Variants in OR4K13 observed in about 807,000 individuals in gnomAD.
OR4K13 encodes the protein olfactory receptor family 4 subfamily K member 13, also known as olfactory receptor 4K13.
For missense variants in OR4K13, 403 were observed against 366.0 expected (o/e 1.10, Z -0.82); for synonymous variants, 160 against 134.8 (o/e 1.19, Z -1.30).
Position 20,033,006 on chromosome 14 carries a change from G to C in OR4K13, c.*838C>G, listed in dbSNP as rs1408056477. On this transcript the variant is annotated 3_prime_UTR_variant, in exon 2 of 2. Transcript: ENST00000641904. ...GAATGTCTTTCTTTTCCATCTAGCT[G>C]ATGCTAACTATAAGTGGAAACCTTC... 6.6e-6 allele frequency: 1 copy of C among 152,166 alleles called. No individual in the cohort carries two copies. The highest frequency in any genetic ancestry group is 2.4e-5 in the African/African-American group (1 of 41,426). The allele number at this position is 152,166 out of a possible 1,614,324, so 9.4% of individuals were successfully genotyped here.
At position 20,034,716 on chromosome 14, in the gene OR4K13, A is replaced by G. The variant is rs1877526212; in HGVS notation, c.43T>C (p.Leu15=). 9 of 1,611,902 alleles carry G rather than the reference A, an allele frequency of 5.6e-6. No homozygotes were observed. Among genetic ancestry groups the G allele is most frequent in the Non-Finnish European group, 6.8e-6 (8 of 1,179,354 alleles). Residue 15 remains leucine, a synonymous_variant, in exon 2 of 2, where the codon TTG becomes CTG. Transcript: ENST00000641904. ...AGATTTTGAGATTTGGAAAGTCCCA[A>G]CAAAATAAATTCCGATACCACTGAA... ...NHSVVSEFIL[L]GLSKSQNLQI... is the part of the protein sequence containing the mutation.
At position 20,033,769 on chromosome 14, in the gene OR4K13, A is replaced by T; in HGVS notation, c.*75T>A. The stretch of plus-strand genomic sequence containing the variant: ...TTTTGCACGAACCTGATACATTAAA[A>T]ACGAGTTTCTTAAATGTTCAAACAA... On this transcript the variant is annotated 3_prime_UTR_variant, in exon 2 of 2. Transcript: ENST00000641904. The T allele has an allele frequency of 1.2e-6, 1 of 835,458 alleles. No individual in the cohort carries two copies. The highest frequency in any genetic ancestry group is 1.9e-6 in the Non-Finnish European group (1 of 538,856). 51.8% of individuals were successfully genotyped at this position (835,458 alleles called of 1,614,324 possible).
At position 20,034,348 on chromosome 14, in the gene OR4K13, G is replaced by A; in HGVS notation, c.411C>T (p.Ser137=). 1 of 1,614,066 alleles carries A rather than the reference G, an allele frequency of 6.2e-7. No homozygotes were observed. The highest frequency in any genetic ancestry group is 1.1e-5 in the South Asian group (1 of 91,074). Residue 137 remains serine, a synonymous_variant, in exon 2 of 2, where the codon AGC becomes AGT. Transcript: ENST00000641904. ...CKPLHYMTIM[S]PRVLTGLLLS... ...ACAGTAGCCCAGTGAGCACCCGTGG[G>A]CTCATGATGGTCATGTAATGGAGGG...
Position 20,030,454 on chromosome 14 carries a change from G to C in OR4K13, c.*3390C>G, listed in dbSNP as rs1877389416. ...TATATGTAAACTGTACTTGAAAAAT[G>C]AAACAAAAAGCTTAATATTTGTACT... On this transcript the variant is annotated 3_prime_UTR_variant, in exon 2 of 2. Transcript: ENST00000641904. 1 of 152,098 alleles carries C rather than the reference G, an allele frequency of 6.6e-6. No homozygotes were observed. Among genetic ancestry groups the C allele is most frequent in the Non-Finnish European group, 1.5e-5 (1 of 68,014 alleles). 9.4% of individuals were successfully genotyped at this position (152,098 alleles called of 1,614,324 possible).
chr14:20,034,869 A>G lies in OR4K13; in HGVS notation c.-111T>C. ...GATGTCCACATTTGGTACTCAGTCA[A>G]GGCACTTGAACTTACAAGGACCCTT... On this transcript the variant is annotated 5_prime_UTR_variant, in exon 2 of 2. Transcript: ENST00000641904. The G allele has an allele frequency of 2.2e-6, 2 of 911,464 alleles. No individual in the cohort carries two copies. Among genetic ancestry groups the G allele is most frequent in the Non-Finnish European group, 3.3e-6 (2 of 614,114 alleles). The allele number at this position is 911,464 out of a possible 1,614,324, so 56.5% of individuals were successfully genotyped here.
rs776331047 is a variant in OR4K13, at chr14:20,031,901, G to A, written c.*1943C>T. The A allele has an allele frequency of 2.0e-5, 3 of 152,156 alleles. No homozygotes were observed. Among genetic ancestry groups the A allele is most frequent in the South Asian group, 2.1e-4 (1 of 4,828 alleles). The allele number at this position is 152,156 out of a possible 1,614,324, so 9.4% of individuals were successfully genotyped here. ...TTTATTCAAATGCAAGCAGGTGGGG[G>A]ATGGCCAGGCTCATGCCTTTAACAG... On this transcript the variant is annotated 3_prime_UTR_variant, in exon 2 of 2. Coordinates refer to ENST00000641904, the MANE Select transcript of OR4K13 (RefSeq NM_001004714.2).
At position 20,032,719 on chromosome 14, in the gene OR4K13, C is replaced by T. The variant is rs568425455; in HGVS notation, c.*1125G>A. ...GGGGGAGATAAACTTGGAATAGAAG[C>T]AGTACAATGTACAAGTTGGGACAGG... On this transcript the variant is annotated 3_prime_UTR_variant, in exon 2 of 2. Transcript: ENST00000641904. 1 of 152,330 alleles carries T rather than the reference C, an allele frequency of 6.6e-6. No individual in the cohort carries two copies. Among genetic ancestry groups the T allele is most frequent in the Non-Finnish European group, 1.5e-5 (1 of 68,040 alleles). 9.4% of individuals were successfully genotyped at this position (152,330 alleles called of 1,614,324 possible).
rs1411547065 is a variant in OR4K13 at position 20,032,409 on chromosome 14, T to C, written c.*1435A>G. The C allele has an allele frequency of 6.6e-6, 1 of 152,222 alleles. No homozygotes were observed. The highest frequency in any genetic ancestry group is 2.4e-5 in the African/African-American group (1 of 41,470). The allele number at this position is 152,222 out of a possible 1,614,324, so 9.4% of individuals were successfully genotyped here. ...AATTGGTTGCTCAGTATGAAACAAC[T>C]AAGGCTGATGTGACTGTGCCCTTTA... On this transcript the variant is annotated 3_prime_UTR_variant, in exon 2 of 2. Transcript: ENST00000641904.
rs1877379270 is a variant in OR4K13, at chr14:20,030,021, T to G, written c.*3823A>C. ...TAATCTCAGAAGACATTGCGCCAAG[T>G]GAAAAAAGCCACCCTCAACAGGCTA... On this transcript the variant is annotated 3_prime_UTR_variant, in exon 2 of 2. Coordinates refer to ENST00000641904, the MANE Select transcript of OR4K13 (RefSeq NM_001004714.2). 1 of 152,086 alleles carries G rather than the reference T, an allele frequency of 6.6e-6. No homozygotes were observed. The highest frequency in any genetic ancestry group is 2.4e-5 in the African/African-American group (1 of 41,412). 9.4% of individuals were successfully genotyped at this position (152,086 alleles called of 1,614,324 possible). A position where few individuals can be genotyped will look rare whatever the true frequency, so the allele number is the denominator to read the frequency against.
rs764800307 is a variant in OR4K13 at position 20,034,432 on chromosome 14, C to G, written c.327G>C (p.Gly109=). The change falls in exon 2 of 2, where the codon GGG becomes GGC. Residue 109 remains glycine, a synonymous_variant. Coordinates refer to ENST00000641904, the MANE Select transcript of OR4K13 (RefSeq NM_001004714.2). ...SQMFFMHLLG[G]SEMMLLVAMA... is the part of the protein sequence containing the mutation. Reference sequence around the variant, plus strand: ...TGGCTACAAGCAACATCATCTCACTCCCACCCAGGAGGTGCATAAAGAACA... The same window carrying G: ...TGGCTACAAGCAACATCATCTCACTGCCACCCAGGAGGTGCATAAAGAACA... The G allele has an allele frequency of 6.2e-7, 1 of 1,613,958 alleles. No homozygotes were observed. Among genetic ancestry groups the G allele is most frequent in the Non-Finnish European group, 8.5e-7 (1 of 1,179,966 alleles).
rs959074113 is a variant in OR4K13, at chr14:20,030,442, T to C, written c.*3402A>G. 4 of 152,078 alleles carry C rather than the reference T, an allele frequency of 2.6e-5. No homozygotes were observed. The highest frequency in any genetic ancestry group is 9.7e-5 in the African/African-American group (4 of 41,420). 9.4% of individuals were successfully genotyped at this position (152,078 alleles called of 1,614,324 possible). A position where few individuals can be genotyped will look rare whatever the true frequency, so the allele number is the denominator to read the frequency against. ...AGTCATTTTTTCTATATGTAAACTG[T>C]ACTTGAAAAATGAAACAAAAAGCTT... On this transcript the variant is annotated 3_prime_UTR_variant, in exon 2 of 2. Transcript: ENST00000641904.
rs775085382 is a variant in OR4K13, at chr14:20,034,687, C to A, written c.72G>T (p.Gln24His). ...CAGAGAATCCCAAGAAGAATAAAATCTGAAGATTTTGAGATTTGGAAAGTC... is the reference window on the plus strand; with the variant it reads ...CAGAGAATCCCAAGAAGAATAAAATATGAAGATTTTGAGATTTGGAAAGTC... ...LLGLSKSQNL[Q>H]ILFFLGFSVV... is the part of the protein sequence containing the mutation. The change falls in exon 2 of 2, where the codon CAG (glutamine) becomes CAT (histidine). Residue 24 changes from glutamine to histidine, a missense_variant. By Grantham distance (24) the Gln-to-His change is conservative. Coordinates refer to ENST00000641904, the MANE Select transcript of OR4K13 (RefSeq NM_001004714.2). 3.1e-6 allele frequency: 5 copies of A among 1,613,138 alleles called. No homozygotes were observed. Among genetic ancestry groups the A allele is most frequent in the Non-Finnish European group, 4.2e-6 (5 of 1,179,780 alleles).
At position 20,031,812 on chromosome 14, in the gene OR4K13, AT is replaced by A. The variant is rs1218730770; in HGVS notation, c.*2031del. 3 of 8,120 alleles carry A rather than the reference AT, an allele frequency of 3.7e-4. No individual in the cohort carries two copies. The allele number at this position is 8,120 out of a possible 1,614,324, so 0.5% of individuals were successfully genotyped here. A position where few individuals can be genotyped will look rare whatever the true frequency, so the allele number is the denominator to read the frequency against. On this transcript the variant is annotated 3_prime_UTR_variant, in exon 2 of 2. Transcript: ENST00000641904. The stretch of plus-strand genomic sequence containing the variant: ...CCCCGAGCCCCCAACACACCCACCC[AT>A]GCCCACCTCCCCGCTCAGAGGCTGA...
intron 1 of OR4K13, chr14:20,035,548 C>T (rs1317621985): frequency 1.3e-5 from 2 of 151,284 alleles, no homozygotes; most frequent in African/African-American, 4.9e-5. Context: ...CATCAAATAC[C>T]TCCTCTAGAT....
intron 1 of OR4K13, among the ~76,000 whole-genome samples, chr14:20,035,257 T>G (rs955403659): frequency 1.1e-4 from 16 of 152,004 alleles, no homozygotes; most frequent in African/African-American, 3.9e-4. Context: ...TTTATTAATG[T>G]GGAAAGGATA....
Position 20,034,232 on chromosome 14 carries a change from C to A in OR4K13, c.527G>T (p.Ser176Ile). ...LPFCGPNVID[S>I]FFCDLPLVIK... ...CACAAGGGGAAGGTCACAGAAAAAG[C>A]TGTCTATAACATTGGGACCACAGAA... The change falls in exon 2 of 2, where the codon AGC (serine) becomes ATC (isoleucine). Residue 176 changes from serine (S) to isoleucine (I), a missense_variant. Physicochemically the swap from Ser to Ile is moderately radical, Grantham distance 142. Transcript: ENST00000641904. 6.2e-7 allele frequency: 1 copy of A among 1,614,146 alleles called. No homozygotes were observed. Among genetic ancestry groups the A allele is most frequent in the Non-Finnish European group, 8.5e-7 (1 of 1,180,016 alleles).
chr14:20,034,613 A>G lies in OR4K13; in HGVS notation c.146T>C (p.Val49Ala). The G allele has an allele frequency of 6.2e-7, 1 of 1,614,072 alleles. No homozygotes were observed. The highest frequency in any genetic ancestry group is 8.5e-7 in the Non-Finnish European group (1 of 1,180,006). ...VLGNLLILVT[V>A]TFDSLLHTPM... ...TGTGTGAAGGAGCGAATCAAAGGTC[A>G]CAGTCACCAAGATGAGCAGGTTTCC... is the stretch of plus-strand genomic sequence containing the variant. Residue 49 changes from valine to alanine, a missense_variant, in exon 2 of 2, where the codon GTG (valine) becomes GCG (alanine). Transcript: ENST00000641904.
At chr14:20,035,033 G>A (rs546909823) in intron 1 of OR4K13, 52 bp from the exon 2 acceptor site, 3 of 336,490 alleles carry the variant, frequency 8.9e-6, no homozygotes, top group African/African-American at 6.5e-5. Flanking sequence ...CAAAACTATA[G>A]GTCATGAATT....
In OR4K13 at chr14:20,034,934, GC is replaced by G. The variant is rs1172950474; in HGVS notation, c.-177del. 2 of 587,858 alleles carry G rather than the reference GC, an allele frequency of 3.4e-6. No homozygotes were observed. Among genetic ancestry groups the G allele is most frequent in the East Asian group, 2.8e-5 (1 of 35,448 alleles). The allele number at this position is 587,858 out of a possible 1,614,324, so 36.4% of individuals were successfully genotyped here. ...TTGTCAGTCAGTGATTTTACTAATGGCCCAGAGAAGTATCCCAAATAGTCAG... is the reference window on the plus strand; with the variant it reads ...TTGTCAGTCAGTGATTTTACTAATGGCCAGAGAAGTATCCCAAATAGTCAG... On this transcript the variant is annotated 5_prime_UTR_variant, in exon 2 of 2. Transcript: ENST00000641904.
Sources: allele counts gnomAD v4.1 joint callset (sites outside exome capture counted in the v4.1 genomes callset), GRCh38; gene constraint gnomAD v4.1.1; transcripts MANE v1.5; gene names NCBI Gene and HGNC (gene_info 2026-07-23, HGNC 2026-07-21).